The following RAB4A variants were observed in gnomAD, a reference collection of about 807,000 sequenced individuals.
RAB4A encodes RAB4A, member RAS oncogene family.
A neutral mutation model predicts 34.5 loss-of-function variants in RAB4A; 20 were observed. The ratio of observed to expected loss-of-function variants is 0.58; its 90% confidence interval spans 0.41 to 0.84. The LOEUF (loss-of-function observed/expected upper bound fraction) is 0.84, where lower values mean the gene tolerates loss of function less well. Ranked by LOEUF, RAB4A falls within the 40% of genes least tolerant of loss-of-function variation. The probability of loss-of-function intolerance (pLI) is 0.00; values close to 1 mark genes in which losing one functional copy is unlikely to be tolerated. For synonymous variants in RAB4A, 102 were observed against 100.0 expected, an observed-to-expected ratio of 1.02 and a Z score of -0.12; for missense variants, 228 against 274.5, an observed-to-expected ratio of 0.83 and a Z score of 1.20.
At chr1:229,285,724 C>T (rs1039469883) in intron 1 of RAB4A, among the ~76,000 whole-genome samples, 4 of 152,026 alleles carry the variant, frequency 2.6e-5, no homozygotes, top group Admixed American at 6.5e-5. Context: ...TCCTAAGCTC[C>T]TAAGCTATGC....
At chr1:229,293,562 T>A (rs527808813) in intron 3 of RAB4A, among the ~76,000 whole-genome samples, 1 of 152,276 alleles carries the variant, frequency 6.6e-6, no homozygotes, top group African/African-American at 2.4e-5. Context: ...TAGGCCACAG[T>A]TAAGTTCTGG....
intron 1 of RAB4A, among the ~76,000 whole-genome samples, chr1:229,271,958 T>C (rs1656496319): frequency 6.6e-6 from 1 of 152,234 alleles, no homozygotes; most frequent in Non-Finnish European, 1.5e-5. Flanking sequence ...ATTTTGGCTA[T>C]TTATAAACAT....
At chr1:229,302,157 C>T (rs543456015) in intron 6 of RAB4A, among the ~76,000 whole-genome samples, 70 of 148,738 alleles carry the variant, frequency 4.7e-4, no homozygotes, top group Non-Finnish European at 2.4e-4. Context: ...GGATAAGGAC[C>T]GCTCAACCTA....
At chr1:229,286,613 G>T in intron 2 of RAB4A, 47 bp downstream of exon 2, 1 of 1,179,140 alleles carries the variant, frequency 8.5e-7, no homozygotes, top group Non-Finnish European at 1.2e-6. Context: ...TCTTCTGAGA[G>T]CCCTCTCACT....
In RAB4A at chr1:229,297,482, C is replaced by T. The variant is rs1281220421; in HGVS notation, c.291C>T (p.Ser97=). 6.3e-7 allele frequency: 1 copy of T among 1,588,328 alleles called. No individual in the cohort carries two copies. The highest frequency in any genetic ancestry group is 1.2e-5 in the South Asian group (1 of 85,680). Residue 97 remains serine, a splice_region_variant and synonymous_variant, in exon 5 of 8, where the codon AGC becomes AGT. Transcript: ENST00000366690. ...ATTTTCACAATCTTATATTACGCAGCCGAGAAACCTACAATGCGCTTACTA... is the reference window on the plus strand; with the variant it reads ...ATTTTCACAATCTTATATTACGCAGTCGAGAAACCTACAATGCGCTTACTA... ...AGALLVYDIT[S]RETYNALTNW... is the part of the protein sequence containing the mutation.
Position 229,276,599 on chromosome 1 carries a change from A to G in RAB4A, c.31+5229A>G, listed in dbSNP as rs548256903. ...TATTCACGCCTATGCCCCATCTTCT[A>G]TTTTTCCTGTGTTTGCCTAGAAGAT... On this transcript the variant is annotated intron_variant, in intron 1 of 7. Coordinates refer to ENST00000366690, the MANE Select transcript of RAB4A (RefSeq NM_004578.4). 3.0e-4 allele frequency among the ~76,000 whole-genome samples: 45 copies of G among 151,168 alleles called. No individual in the cohort carries two copies. The South Asian group carries it at 7.7e-3, about 26-fold the overall frequency.
intron 4 of RAB4A, among the ~76,000 whole-genome samples, chr1:229,296,699 G>T (rs1365655924): frequency 6.6e-6 from 1 of 152,184 alleles, no homozygotes; most frequent in Admixed American, 6.5e-5. Context: ...CCAGTGAGAG[G>T]ATGTCACTCA....
chr1:229,283,368 G>A (rs945094244), intron 1 of RAB4A, among the ~76,000 whole-genome samples: 4 of 152,212 alleles, frequency 2.6e-5, no homozygotes, highest in African/African-American at 9.7e-5. Context: ...TTGTAGCCTT[G>A]CAAGGGTGGA....
chr1:229,293,241 G>GT (rs968336239), intron 3 of RAB4A, among the ~76,000 whole-genome samples: 1 of 152,104 alleles, frequency 6.6e-6, no homozygotes, highest in Non-Finnish European at 1.5e-5. Flanking sequence ...CATCCTTTTG[G>GT]TTTTTTTGTG....
Position 229,297,465 on chromosome 1 carries a change from A to T in RAB4A, c.291-17A>T, listed in dbSNP as rs1657279285. On this transcript the variant is annotated splice_polypyrimidine_tract_variant and intron_variant, in intron 4 of 7. Coordinates refer to ENST00000366690, the MANE Select transcript of RAB4A (RefSeq NM_004578.4). ...TATAAAATACATGTATTATTTTCAC[A>T]ATCTTATATTACGCAGCCGAGAAAC... 6.3e-7 allele frequency: 1 copy of T among 1,576,320 alleles called. No individual in the cohort carries two copies. The highest frequency in any genetic ancestry group is 8.6e-7 in the Non-Finnish European group (1 of 1,165,492).
intron 1 of RAB4A, among the ~76,000 whole-genome samples, chr1:229,273,628 A>C (rs1286534400): frequency 6.6e-6 from 1 of 152,210 alleles, no homozygotes; most frequent in African/African-American, 2.4e-5. Context: ...AGTCCCGGCT[A>C]CTTGGGAGGC....
intron 6 of RAB4A, among the ~76,000 whole-genome samples, chr1:229,302,462 T>C (rs1283448366): frequency 6.7e-6 from 1 of 150,236 alleles, no homozygotes; most frequent in Admixed American, 6.6e-5. Context: ...TAAAGCCATG[T>C]CCACAGCATG....
At chr1:229,301,058 T>C (rs1355119499) in intron 6 of RAB4A, among the ~76,000 whole-genome samples, 3 of 151,940 alleles carry the variant, frequency 2.0e-5, no homozygotes, top group East Asian at 3.9e-4. Flanking sequence ...AAAACACACA[T>C]TGGGATGGGG....
At position 229,286,486 on chromosome 1, in the gene RAB4A, AT is replaced by A; in HGVS notation, c.38del (p.Leu13CysfsTer34). 6.4e-7 allele frequency: 1 copy of A among 1,559,254 alleles called. No homozygotes were observed. Among genetic ancestry groups the A allele is most frequent in the Non-Finnish European group, 8.7e-7 (1 of 1,146,570 alleles). On this transcript the variant is annotated frameshift_variant and splice_region_variant, in exon 2 of 8. Coordinates refer to ENST00000366690, the MANE Select transcript of RAB4A (RefSeq NM_004578.4). LOFTEE classifies it high-confidence loss of function. MSQTAMSETY[D>X]FLFKFLVIGN... Reference sequence around the variant, plus strand: ...TTCACAGTCTCTTTTTATCTTTCAGATTTTTTGTTTAAGTTCTTGGTTATTG... The same window carrying A: ...TTCACAGTCTCTTTTTATCTTTCAGATTTTTGTTTAAGTTCTTGGTTATTG...
chr1:229,286,009 C>A (rs941037198), intron 1 of RAB4A, among the ~76,000 whole-genome samples: 1 of 152,230 alleles, frequency 6.6e-6, no homozygotes, highest in African/African-American at 2.4e-5. Flanking sequence ...AGAAGCAAGA[C>A]CACGTAAATC....
At chr1:229,290,710 C>A (rs1280745633) in intron 3 of RAB4A, among the ~76,000 whole-genome samples, 3 of 152,116 alleles carry the variant, frequency 2.0e-5, no homozygotes, top group African/African-American at 7.2e-5. Context: ...GGAAGAAGAG[C>A]AGAGATTGCA....
Position 229,271,181 on chromosome 1 carries a change from C to T in RAB4A, c.-159C>T, listed in dbSNP as rs574117487. 37 of 658,978 alleles carry T rather than the reference C, an allele frequency of 5.6e-5. No individual in the cohort carries two copies. In the African/African-American group the frequency reaches 6.9e-4, roughly 12 times the overall value. The allele number at this position is 658,978 out of a possible 1,614,324, so 40.8% of individuals were successfully genotyped here. A position where few individuals can be genotyped will look rare whatever the true frequency, so the allele number is the denominator to read the frequency against. ...GCGCCTGCGCGGAGCTGGAGTCCGG[C>T]TGGGCCGCAGCCGCTGGGAGACCGG... On this transcript the variant is annotated 5_prime_UTR_variant, in exon 1 of 8. Coordinates refer to ENST00000366690, the MANE Select transcript of RAB4A (RefSeq NM_004578.4).
At chr1:229,286,378 T>C in intron 1 of RAB4A, 108 bp from the exon 2 acceptor site, 1 of 669,196 alleles carries the variant, frequency 1.5e-6, no homozygotes, top group Non-Finnish European at 2.5e-6. Flanking sequence ...GTTACCTCTT[T>C]TTCCTGTTAT....
intron 3 of RAB4A, among the ~76,000 whole-genome samples, chr1:229,292,237 GAA>G (rs776815426): frequency 2.4e-5 from 3 of 123,354 alleles, no homozygotes; most frequent in African/African-American, 8.2e-5. Flanking sequence ...TAAATAAAAG[GAA>G]AAAAAAAAGA....
Sources: allele counts gnomAD v4.1 joint callset (sites outside exome capture counted in the v4.1 genomes callset), GRCh38; gene constraint gnomAD v4.1.1; transcripts MANE v1.5; gene names NCBI Gene and HGNC (gene_info 2026-07-23, HGNC 2026-07-21).